SHKBP1: variants seen among roughly 807,000 people sequenced by gnomAD.
SHKBP1 encodes SH3KBP1 binding protein 1, also known as SH3KBP1-binding protein 1.
Under a neutral mutation model 83.9 loss-of-function variants are expected in SHKBP1, and 71 were observed. That is an observed-to-expected ratio of 0.85 (90% confidence interval 0.70 to 1.03). SHKBP1 has a LOEUF of 1.03. Ranked by LOEUF, SHKBP1 falls within the 50% of genes least tolerant of loss-of-function variation. The pLI, the probability that SHKBP1 is intolerant of heterozygous loss-of-function variation, is 0.00. For synonymous variants in SHKBP1, 371 were observed against 398.0 expected, an observed-to-expected ratio of 0.93 and a Z score of 0.81; for missense variants, 824 against 982.4, an observed-to-expected ratio of 0.84 and a Z score of 2.16.
chr19:40,577,343 C>G, intron 2 of SHKBP1, 53 bp from the exon 3 acceptor site: 1 of 1,613,618 alleles, frequency 6.2e-7, no homozygotes, highest in Non-Finnish European at 8.5e-7. Flanking sequence ...CGTGGGAGAC[C>G]TAATATCCAC....
intron 9 of SHKBP1, 57 bp from the exon 10 acceptor site, chr19:40,582,294 C>G (rs1467717438): frequency 7.2e-7 from 1 of 1,391,410 alleles, no homozygotes; most frequent in Admixed American, 1.7e-5. Context: ...GTTCTTCCTC[C>G]CACCTCTCCT....
Position 40,578,481 on chromosome 19 carries a change from A to C in SHKBP1, c.339A>C (p.Arg113=). 1.9e-6 allele frequency: 3 copies of C among 1,614,064 alleles called. No homozygotes were observed. Among genetic ancestry groups the C allele is most frequent in the Non-Finnish European group, 2.5e-6 (3 of 1,179,992 alleles). The change falls in exon 6 of 18, where the codon CGA becomes CGC. Residue 113 remains arginine (R), a synonymous_variant. Coordinates refer to ENST00000291842, the MANE Select transcript of SHKBP1 (RefSeq NM_138392.4). ...TTGCAGTTCGTCGCCTGCAGCTTCG[A>C]GAGGAGTTGGATCGATCTTCTTGTG... ...LTPLVRRLQL[R]EELDRSSCGN...
At position 40,590,365 on chromosome 19, in the gene SHKBP1, G is replaced by A. The variant is rs144717440; in HGVS notation, c.1711G>A (p.Gly571Ser). Reference protein sequence around the residue: ...RRYLLTGQANGSLAMWDLTTA... With the variant: ...RRYLLTGQANSSLAMWDLTTA... ...CTACCTGCTCACTGGCCAGGCCAACGGCAGCTTGGCCATGTGGGACCTAAC... is the reference window on the plus strand; with the variant it reads ...CTACCTGCTCACTGGCCAGGCCAACAGCAGCTTGGCCATGTGGGACCTAAC... The change falls in exon 16 of 18, where the codon GGC becomes AGC. Residue 571 changes from glycine (G) to serine (S), a missense_variant. Physicochemically the swap from Gly to Ser is moderately conservative, Grantham distance 56. This residue lies in a region of SHKBP1 where 287 missense variants were observed against 322.9 expected (regional missense o/e 0.89). Transcript: ENST00000291842. The surrounding 1 kb of genome is among the most constrained non-coding windows in gnomAD (Gnocchi z 4.6). 1.6e-5 allele frequency: 25 copies of A among 1,611,998 alleles called. No individual in the cohort carries two copies. In the African/African-American group the frequency reaches 2.1e-4, roughly 14 times the overall value.
chr19:40,588,709 C>T lies in SHKBP1; in HGVS notation c.1422C>T (p.Leu474=), dbSNP rs561137531. Residue 474 remains leucine (L), a synonymous_variant, in exon 14 of 18, where the codon CTC becomes CTT. Transcript: ENST00000291842. ...MISTQPGSTP[L]ASFKILALES... is the part of the protein sequence containing the mutation. Reference sequence around the variant, plus strand: ...CCACCCAGCCCGGCTCCACCCCACTCGCTTCCTTTAAGATCCTGGCTCTGG... The same window carrying T: ...CCACCCAGCCCGGCTCCACCCCACTTGCTTCCTTTAAGATCCTGGCTCTGG... 3.4e-5 allele frequency: 55 copies of T among 1,614,190 alleles called. No individual in the cohort carries two copies. Among genetic ancestry groups the T allele is most frequent in the South Asian group, 3.2e-4 (29 of 91,088 alleles).
At chr19:40,584,664 C>G (rs369415120) in intron 12 of SHKBP1, among the ~76,000 whole-genome samples, 1 of 152,202 alleles carries the variant, frequency 6.6e-6, no homozygotes, top group Non-Finnish European at 1.5e-5. Flanking sequence ...CTCTGCTGCC[C>G]AGGCTGGAGT....
intron 6 of SHKBP1, among the ~76,000 whole-genome samples, chr19:40,578,905 GGA>G (rs1370075208): frequency 7.2e-5 from 11 of 152,084 alleles, no homozygotes; most frequent in Non-Finnish European, 1.5e-5. Context: ...CACTGGCCAT[GGA>G]AGGTATGCCC....
intron 4 of SHKBP1, chr19:40,577,917 T>C: frequency 1.6e-6 from 1 of 626,840 alleles, no homozygotes; most frequent in South Asian, 1.9e-5. Context: ...ATCTTGATCA[T>C]GTTAAAATTT....
rs775683649 is a variant in SHKBP1 at position 40,591,016 on chromosome 19, C to T, written c.1933C>T (p.Arg645Cys). The stretch of plus-strand genomic sequence containing the variant: ...CAGCAACACCTCCTTGTCTGGCCAC[C>T]GTGGGAGCCCAAGCCCCCCGCAGGC... ...ASSNTSLSGH[R>C]GSPSPPQAEA... The change falls in exon 18 of 18, where the codon CGT (arginine) becomes TGT (cysteine). Residue 645 changes from arginine to cysteine, a missense_variant. Arg to Cys is a radical substitution (Grantham distance 180). Transcript: ENST00000291842. The T allele has an allele frequency of 9.3e-6, 15 of 1,611,844 alleles. No homozygotes were observed. Among genetic ancestry groups the T allele is most frequent in the African/African-American group, 1.3e-5 (1 of 74,906 alleles).
At chr19:40,583,241 C>T (rs2081284347) in intron 10 of SHKBP1, among the ~76,000 whole-genome samples, 157 bp from the exon 11 acceptor site, 1 of 151,684 alleles carries the variant, frequency 6.6e-6, no homozygotes, top group African/African-American at 2.4e-5. Flanking sequence ...AGGGAGGGAA[C>T]AAGACAGGGA....
At chr19:40,584,683 A>G (rs558510665) in intron 12 of SHKBP1, among the ~76,000 whole-genome samples, 1 of 152,284 alleles carries the variant, frequency 6.6e-6, no homozygotes, top group East Asian at 1.9e-4. Context: ...GTGCAGTGGC[A>G]TGATCTCAGC....
chr19:40,586,218 C>A (rs535743032), intron 12 of SHKBP1, among the ~76,000 whole-genome samples: 1 of 152,184 alleles, frequency 6.6e-6, no homozygotes, highest in South Asian at 2.1e-4. Context: ...TTCACTGTTA[C>A]AATTTCTGTC....
intron 1 of SHKBP1, 95 bp from the exon 2 acceptor site, chr19:40,577,136 G>T: frequency 6.7e-7 from 1 of 1,503,356 alleles, no homozygotes; most frequent in Non-Finnish European, 9.1e-7. Flanking sequence ...GCCGGGGGAG[G>T]GGGAAGGGGA....
intron 1 of SHKBP1, 104 bp downstream of exon 1, chr19:40,577,089 C>T: frequency 2.8e-6 from 2 of 711,658 alleles, no homozygotes; most frequent in Non-Finnish European, 3.8e-6. Context: ...GTTGCTCCGC[C>T]CCCCCCCCCT....
In SHKBP1 at chr19:40,590,128, T is replaced by C; in HGVS notation, c.1590-116T>C. 2 of 1,185,962 alleles carry C rather than the reference T, an allele frequency of 1.7e-6. No individual in the cohort carries two copies. The highest frequency in any genetic ancestry group is 1.5e-5 in the African/African-American group (1 of 64,688). The allele number at this position is 1,185,962 out of a possible 1,614,324, so 73.5% of individuals were successfully genotyped here. A position where few individuals can be genotyped will look rare whatever the true frequency, so the allele number is the denominator to read the frequency against. Reference sequence around the variant, plus strand: ...CTGGAACTCAAAAGCAGGCTAGGGATGGATAAAGATTGGGATGGCCCCTGG... The same window carrying C: ...CTGGAACTCAAAAGCAGGCTAGGGACGGATAAAGATTGGGATGGCCCCTGG... On this transcript the variant is annotated intron_variant, in intron 15 of 17. Coordinates refer to ENST00000291842, the MANE Select transcript of SHKBP1 (RefSeq NM_138392.4). The surrounding 1 kb of genome is among the most constrained non-coding windows in gnomAD (Gnocchi z 4.6).
intron 12 of SHKBP1, among the ~76,000 whole-genome samples, chr19:40,586,205 T>C (rs992970072): frequency 2.0e-5 from 3 of 152,086 alleles, no homozygotes; most frequent in African/African-American, 7.2e-5. Context: ...TCTTATTTGC[T>C]GTTTCACTGT....
chr19:40,583,395 C>T lies in SHKBP1; in HGVS notation c.961-3C>T. On this transcript the variant is annotated splice_region_variant and splice_polypyrimidine_tract_variant and intron_variant, in intron 10 of 17. Coordinates refer to ENST00000291842, the MANE Select transcript of SHKBP1 (RefSeq NM_138392.4). ...GCTGCAGCCTGTCCTGCCCCACCCC[C>T]AGGTCCAGGAGGTGCAGCCCATCAC... 1.9e-6 allele frequency: 3 copies of T among 1,571,654 alleles called. No homozygotes were observed. The highest frequency in any genetic ancestry group is 2.6e-6 in the Non-Finnish European group (3 of 1,158,022).
Position 40,590,941 on chromosome 19 carries a change from G to A in SHKBP1, c.1893-35G>A, listed in dbSNP as rs902440904. On this transcript the variant is annotated intron_variant, in intron 17 of 17. Transcript: ENST00000291842. The surrounding 1 kb of genome is among the most constrained non-coding windows in gnomAD (Gnocchi z 4.6). ...GGGGACAGAGTGGCCCAGCTGCCCC[G>A]TGATGACGTGCACTTACTGTCCTTA... is the stretch of plus-strand genomic sequence containing the variant. 11 of 1,578,220 alleles carry A rather than the reference G, an allele frequency of 7.0e-6. No homozygotes were observed. The highest frequency in any genetic ancestry group is 5.1e-5 in the Admixed American group (3 of 58,728).
rs141174643 is a variant in SHKBP1 at position 40,580,806 on chromosome 19, C to G, written c.714C>G (p.Ile238Met). ...CCAGCCCCCGCCTGGACTGGCCCAT[C>G]GAACGACTGGCGCTCACAGCCCGGG... is the stretch of plus-strand genomic sequence containing the variant. ...VFSSPRLDWP[I>M]ERLALTARVH... is the part of the protein sequence containing the mutation. Residue 238 changes from isoleucine (I) to methionine (M), a missense_variant, in exon 9 of 18, where the codon ATC becomes ATG. This residue lies in a region of SHKBP1 where 355 missense variants were observed against 386.4 expected (regional missense o/e 0.92). Transcript: ENST00000291842. 1.9e-5 allele frequency: 30 copies of G among 1,612,764 alleles called. No individual in the cohort carries two copies. The highest frequency in any genetic ancestry group is 2.5e-5 in the Non-Finnish European group (30 of 1,179,400).
chr19:40,591,379 A>G lies in SHKBP1; in HGVS notation c.*172A>G, dbSNP rs979127900. 14 of 551,350 alleles carry G rather than the reference A, an allele frequency of 2.5e-5. No individual in the cohort carries two copies. The highest frequency in any genetic ancestry group is 9.6e-5 in the South Asian group (3 of 31,270). 34.2% of individuals were successfully genotyped at this position (551,350 alleles called of 1,614,324 possible). ...CTGGAAGCCAAAGTCACCCTCCCCA[A>G]TAAAGTCCTCACTGCCAACATCTTG... On this transcript the variant is annotated 3_prime_UTR_variant, in exon 18 of 18. Coordinates refer to ENST00000291842, the MANE Select transcript of SHKBP1 (RefSeq NM_138392.4).
Sources: gnomAD v4.1 joint callset for allele counts (sites outside exome capture counted in the v4.1 genomes callset) on GRCh38, gnomAD v4.1.1 for gene constraint, gnomAD v4.1.1 regional missense constraint, Gnocchi (gnomAD v3.1) non-coding constraint, MANE v1.5 for transcripts, NCBI Gene and HGNC (gene_info 2026-07-23, HGNC 2026-07-21) for gene names.